The following PNO1 variants were observed in gnomAD, a reference collection of about 807,000 sequenced individuals.
The protein encoded by PNO1 is RNA-binding protein PNO1.
PNO1 carries 16 observed loss-of-function variants against 28.4 expected under a neutral mutation model. That is an observed-to-expected ratio of 0.56 (90% confidence interval 0.38 to 0.85). The LOEUF (loss-of-function observed/expected upper bound fraction) is 0.85, where lower values mean the gene tolerates loss of function less well. Ranked by LOEUF, PNO1 falls within the 40% of genes least tolerant of loss-of-function variation. The pLI, the probability that PNO1 is intolerant of heterozygous loss-of-function variation, is 0.00. For missense variants in PNO1, 304 were observed against 312.2 expected, an observed-to-expected ratio of 0.97 and a Z score of 0.20; for synonymous variants, 115 against 110.8, an observed-to-expected ratio of 1.04 and a Z score of -0.24.
intron 3 of PNO1, 149 bp downstream of exon 3, chr2:68,161,915 A>G (rs1673841229): frequency 3.2e-6 from 2 of 624,296 alleles, no homozygotes; most frequent in Non-Finnish European, 5.6e-6. Context: ...CAGGTGGATC[A>G]CTTGAGGCCA....
chr2:68,173,150 A>C, intron 5 of PNO1, 197 bp from the exon 6 acceptor site: 1 of 354,682 alleles, frequency 2.8e-6, no homozygotes, highest in Non-Finnish European at 4.9e-6. Context: ...GGCATGTTGC[A>C]CTCTACAGGC....
chr2:68,160,400 C>T (rs961433547), intron 2 of PNO1, among the ~76,000 whole-genome samples: 2 of 152,176 alleles, frequency 1.3e-5, no homozygotes, highest in Non-Finnish European at 2.9e-5. Context: ...GAGGTCCGCT[C>T]CTCCCTACTC....
rs397802711 is a variant in PNO1 at position 68,162,154 on chromosome 2, A to AG, written c.442-110dup. ...ACTCTGTCTCCAAGGGAAAAAAAAA[A>AG]GCTTTCTAGCTCTAGAGTTTGTGGA... On this transcript the variant is annotated intron_variant, in intron 3 of 6. Transcript: ENST00000263657. 38 of 807,222 alleles carry AG rather than the reference A, an allele frequency of 4.7e-5. 1 individual carries two copies. The highest frequency in any genetic ancestry group is 8.1e-6 in the Non-Finnish European group (4 of 493,372). The allele number at this position is 807,222 out of a possible 1,614,324, so 50.0% of individuals were successfully genotyped here.
At chr2:68,162,450 G>A (rs1240007295) in intron 4 of PNO1, 96 bp from the exon 5 acceptor site, 5 of 1,061,816 alleles carry the variant, frequency 4.7e-6, no homozygotes, top group South Asian at 1.4e-5. Flanking sequence ...TACACTTTGT[G>A]TCCTTTAGAG....
intron 5 of PNO1, among the ~76,000 whole-genome samples, chr2:68,168,921 CTTTTTT>C (rs57701897): frequency 6.9e-5 from 5 of 72,484 alleles, no homozygotes; most frequent in African/African-American, 2.4e-4. Context: ...CAGCTTTTTT[CTTTTTT>C]TTTTTTTTTT....
intron 5 of PNO1, among the ~76,000 whole-genome samples, chr2:68,169,456 C>T (rs1378420655): frequency 6.6e-6 from 1 of 152,138 alleles, no homozygotes; most frequent in Non-Finnish European, 1.5e-5. Flanking sequence ...TAATCAGCAT[C>T]ACATGTGATC....
Position 68,165,363 on chromosome 2 carries a change from CA to C in PNO1, c.620+2716del, listed in dbSNP as rs770897170. ...TGGGCGACAGAGCGAGACTCCGTCT[CA>C]AAAAAAAAAAAAAAACAACAAAAAA... On this transcript the variant is annotated intron_variant, in intron 5 of 6. Transcript: ENST00000263657. Among the ~76,000 whole-genome samples the C allele has an allele frequency of 8.6e-3, 214 of 24,802 alleles. 1 individual carries two copies. The highest frequency in any genetic ancestry group is 0.012 in the Non-Finnish European group (166 of 13,404). 16.3% of individuals were successfully genotyped at this position (24,802 alleles called of 152,430 possible).
chr2:68,175,129 T>A lies in PNO1; in HGVS notation c.*327T>A, dbSNP rs1251241959. 5.5e-6 allele frequency: 1 copy of A among 181,630 alleles called. No homozygotes were observed. The highest frequency in any genetic ancestry group is 2.3e-5 in the African/African-American group (1 of 42,590). 11.3% of individuals were successfully genotyped at this position (181,630 alleles called of 1,614,324 possible). A position where few individuals can be genotyped will look rare whatever the true frequency, so the allele number is the denominator to read the frequency against. ...CTTGTTTAAACAGCTCTATATGGAT[T>A]TATACTTTTATATTTATAAATTTAT... On this transcript the variant is annotated 3_prime_UTR_variant, in exon 7 of 7. Coordinates refer to ENST00000263657, the MANE Select transcript of PNO1 (RefSeq NM_020143.4).
chr2:68,173,646 G>T (rs1203259811), intron 6 of PNO1, among the ~76,000 whole-genome samples: 1 of 144,622 alleles, frequency 6.9e-6, no homozygotes, highest in African/African-American at 2.6e-5. Flanking sequence ...GCAGTGGTGC[G>T]ATCTCGGCTC....
At chr2:68,173,236 C>G in intron 5 of PNO1, 111 bp from the exon 6 acceptor site, 1 of 709,580 alleles carries the variant, frequency 1.4e-6, no homozygotes, top group South Asian at 1.6e-5. Flanking sequence ...AGGCTTGTCT[C>G]AGACTCCTGG....
intron 5 of PNO1, among the ~76,000 whole-genome samples, chr2:68,170,893 T>C (rs1674115511): frequency 6.6e-6 from 1 of 152,172 alleles, no homozygotes; most frequent in Non-Finnish European, 1.5e-5. Flanking sequence ...ATATACAGCC[T>C]CTTATTTTTC....
intron 5 of PNO1, among the ~76,000 whole-genome samples, chr2:68,168,507 G>C: frequency 6.6e-6 from 1 of 152,168 alleles, no homozygotes. Context: ...CTGTTGGTGA[G>C]CTGTAATTGT....
In PNO1 at chr2:68,159,254, ATGTGTG is replaced by A. The variant is rs71825244; in HGVS notation, c.357+745_357+750del. ...ATTTTGATAAGAAACATGCATATAT[ATGTGTG>A]TGTGTGTGTGTGTGTGTGTATATAT... is the stretch of plus-strand genomic sequence containing the variant. On this transcript the variant is annotated intron_variant, in intron 2 of 6. Transcript: ENST00000263657. Among the ~76,000 whole-genome samples the A allele has an allele frequency of 3.0e-3, 450 of 150,242 alleles. 2 individuals carry two copies. The highest frequency in any genetic ancestry group is 6.6e-3 in the African/African-American group (270 of 40,932).
intron 5 of PNO1, among the ~76,000 whole-genome samples, chr2:68,164,744 C>G (rs573183122): frequency 6.6e-6 from 1 of 152,230 alleles, no homozygotes; most frequent in South Asian, 2.1e-4. Flanking sequence ...CCACAGTGAA[C>G]CATGATGGCA....
chr2:68,174,760 C>T lies in PNO1; in HGVS notation c.717C>T (p.Gly239=). Residue 239 remains glycine (G), a synonymous_variant, in exon 7 of 7, where the codon GGC becomes GGT. Transcript: ENST00000263657. ...GAAATCCTCCTTCCAAGGTTTATGG[C>T]AATATTCGAGCTGTGGCTAGCAGAT... ...ILGNPPSKVY[G]NIRAVASRSA... 1 of 1,609,404 alleles carries T rather than the reference C, an allele frequency of 6.2e-7. No homozygotes were observed. The highest frequency in any genetic ancestry group is 1.1e-5 in the South Asian group (1 of 90,854).
intron 5 of PNO1, among the ~76,000 whole-genome samples, chr2:68,168,563 GAAAA>G (rs953085554): frequency 3.3e-5 from 5 of 151,338 alleles, no homozygotes; most frequent in African/African-American, 1.2e-4. Context: ...AGCTGCTAGA[GAAAA>G]AAAAATATCC....
At chr2:68,164,127 G>A (rs988701298) in intron 5 of PNO1, among the ~76,000 whole-genome samples, 1 of 152,176 alleles carries the variant, frequency 6.6e-6, no homozygotes, top group Non-Finnish European at 1.5e-5. Context: ...TATGGATTGA[G>A]CCTAGAGTCA....
intron 5 of PNO1, chr2:68,172,967 G>T: frequency 6.0e-6 from 1 of 167,660 alleles, no homozygotes; most frequent in Non-Finnish European, 1.3e-5. Flanking sequence ...TATATTCATG[G>T]AGTTGTGCAG....
At chr2:68,160,427 C>G (rs1388032523) in intron 2 of PNO1, among the ~76,000 whole-genome samples, 1 of 152,204 alleles carries the variant, frequency 6.6e-6, no homozygotes, top group African/African-American at 2.4e-5. Context: ...CTTTATACTT[C>G]AGTTCCAGTA....
Sources: gnomAD v4.1 joint callset for allele counts (sites outside exome capture counted in the v4.1 genomes callset) on GRCh38, gnomAD v4.1.1 for gene constraint, MANE v1.5 for transcripts, NCBI Gene and HGNC (gene_info 2026-07-23, HGNC 2026-07-21) for gene names.